The following GPHN variants were observed in gnomAD, a reference collection of about 807,000 sequenced individuals.
GPHN encodes the protein gephyrin.
In GPHN, 17 loss-of-function variants were observed where a neutral mutation model predicts 95.5. That is an observed-to-expected ratio of 0.18 (90% CI 0.12 to 0.27). GPHN has a LOEUF of 0.27. GPHN is among the 10% of genes least tolerant of loss of function. The pLI is 1.00. For synonymous variants in GPHN, 320 were observed against 322.5 expected (o/e 0.99, Z 0.08); for missense variants, 660 against 978.1 (o/e 0.67, Z 4.34).
chr14:66,609,238 A>G (rs1185039494), intron 1 of GPHN, among the ~76,000 whole-genome samples: 1 of 151,990 alleles, frequency 6.6e-6, no homozygotes, highest in Non-Finnish European at 1.5e-5. Flanking sequence ...CTTCATTGGA[A>G]TTTATTCTTT....
the GPHN span, among the ~76,000 whole-genome samples, chr14:67,522,415 C>T: frequency 5.9e-5 from 9 of 152,146 alleles, no homozygotes; most frequent in Non-Finnish European, 1.0e-4. Context: ...GCTTAGTCGT[C>T]TGAGGGGGGA....
At chr14:66,584,595 G>T (rs532550692) in intron 1 of GPHN, among the ~76,000 whole-genome samples, 2 of 152,258 alleles carry the variant, frequency 1.3e-5, no homozygotes, top group East Asian at 3.8e-4. Context: ...TTTTTAGCAT[G>T]AAGGGTTGTT....
At chr14:66,669,909 G>T (rs1242330557) in intron 1 of GPHN, among the ~76,000 whole-genome samples, 1 of 151,906 alleles carries the variant, frequency 6.6e-6, no homozygotes, top group African/African-American at 2.4e-5. Context: ...ATTTTTTCAG[G>T]CAACTCTAGC....
the GPHN span, among the ~76,000 whole-genome samples, chr14:67,496,392 T>C: frequency 6.0e-5 from 2 of 33,098 alleles, no homozygotes; most frequent in African/African-American, 3.3e-4. Flanking sequence ...TGCTCCGGCG[T>C]TTTTTTTTTT....
intron 5 of GPHN, among the ~76,000 whole-genome samples, chr14:66,896,231 A>G (rs2064842945): frequency 1.3e-5 from 2 of 152,176 alleles, no homozygotes; most frequent in South Asian, 4.1e-4. Flanking sequence ...GTAACTATAT[A>G]AAACGATAAA....
At chr14:67,003,530 C>T (rs1374255314) in intron 9 of GPHN, among the ~76,000 whole-genome samples, 1 of 151,686 alleles carries the variant, frequency 6.6e-6, no homozygotes, top group Non-Finnish European at 1.5e-5. Flanking sequence ...CTGTTTTCTT[C>T]CTTGGACAGC....
chr14:66,529,744 A>G (rs1462228605), intron 1 of GPHN, among the ~76,000 whole-genome samples: 1 of 151,986 alleles, frequency 6.6e-6, no homozygotes, highest in Non-Finnish European at 1.5e-5. Context: ...GGTCTGCTCT[A>G]GTTTGCTGGA....
intron 1 of GPHN, among the ~76,000 whole-genome samples, chr14:66,635,950 A>G (rs546491145): frequency 2.0e-4 from 30 of 152,130 alleles, no homozygotes; most frequent in Non-Finnish European, 2.9e-4. Context: ...CATCCTGGCT[A>G]ACACGGTGAA....
rs113478317 is a variant in GPHN, at chr14:67,164,725, C to T, written c.1911-437C>T. ...CAGGCTGGTCTCAAACTCCTGACCT[C>T]AAGTGATCCACCCCCCTCAGCCTCC... is the stretch of plus-strand genomic sequence containing the variant. On this transcript the variant is annotated intron_variant, in intron 19 of 22. Coordinates refer to ENST00000478722, the MANE Select transcript of GPHN (RefSeq NM_020806.5). Among the ~76,000 whole-genome samples the T allele has an allele frequency of 3.1e-3, 465 of 152,174 alleles. 5 individuals are homozygous for T. Among genetic ancestry groups the T allele is most frequent in the African/African-American group, 0.011 (447 of 41,530 alleles).
chr14:67,557,438 G>C, the GPHN span: 1 of 1,609,080 alleles, frequency 6.2e-7, no homozygotes, highest in Admixed American at 1.7e-5. Flanking sequence ...CATGCGCAAG[G>C]GAGCACCATG....
At chr14:67,055,154 A>G (rs138764342) in intron 10 of GPHN, among the ~76,000 whole-genome samples, 2 of 152,364 alleles carry the variant, frequency 1.3e-5, no homozygotes, top group Non-Finnish European at 2.9e-5. Context: ...GTGAAGAGAC[A>G]AACTACAGAA....
At chr14:67,209,095 G>A in the GPHN span, among the ~76,000 whole-genome samples, 2 of 152,060 alleles carry the variant, frequency 1.3e-5, no homozygotes, top group South Asian at 2.1e-4. Flanking sequence ...TTTATTGTCC[G>A]CTGATACAAT....
chr14:66,701,257 CT>C (rs5809320), intron 2 of GPHN, among the ~76,000 whole-genome samples: 6 of 151,854 alleles, frequency 4.0e-5, no homozygotes, highest in South Asian at 2.1e-4. Context: ...GCATATTTCT[CT>C]TTTTTTTACA....
chr14:67,097,335 A>C (rs1040647385), intron 12 of GPHN, among the ~76,000 whole-genome samples: 1 of 152,232 alleles, frequency 6.6e-6, no homozygotes, highest in Non-Finnish European at 1.5e-5. Context: ...GAAGTAGCAC[A>C]TGTCACGGAG....
chr14:67,113,278 C>A, intron 16 of GPHN, 107 bp downstream of exon 16: 1 of 1,008,542 alleles, frequency 9.9e-7, no homozygotes, highest in Non-Finnish European at 1.6e-6. Flanking sequence ...ATAGATCATA[C>A]CAGTGGATCC....
chr14:67,567,525 T>C, the GPHN span, among the ~76,000 whole-genome samples: 56,602 of 151,738 alleles, frequency 0.37, 10,998 homozygotes, highest in African/African-American at 0.5. Context: ...TTACTTGGGC[T>C]CGATGTATCT....
chr14:67,565,410 A>AT, the GPHN span, among the ~76,000 whole-genome samples: 1 of 151,916 alleles, frequency 6.6e-6, no homozygotes, highest in Non-Finnish European at 1.5e-5. Flanking sequence ...CACCTGGCTA[A>AT]TTTTTTAAAT....
At chr14:66,895,860 C>A (rs1215655795) in intron 5 of GPHN, among the ~76,000 whole-genome samples, 1 of 152,106 alleles carries the variant, frequency 6.6e-6, no homozygotes, top group Non-Finnish European at 1.5e-5. Flanking sequence ...CTGAACAAAT[C>A]TTTTTTAAAA....
chr14:66,714,054 C>T (rs552660645), intron 2 of GPHN, among the ~76,000 whole-genome samples: 4 of 152,278 alleles, frequency 2.6e-5, no homozygotes, highest in African/African-American at 9.6e-5. Context: ...CAGGTGTGAA[C>T]CACCATGCCA....
Sources: allele counts gnomAD v4.1 joint callset (sites outside exome capture counted in the v4.1 genomes callset), GRCh38; gene constraint gnomAD v4.1.1; transcripts MANE v1.5; gene names NCBI Gene and HGNC (gene_info 2026-07-23, HGNC 2026-07-21).